TNS1: variants seen among roughly 807,000 people sequenced by gnomAD.
TNS1 encodes the protein tensin 1.
A neutral mutation model predicts 168.6 loss-of-function variants in TNS1; 62 were observed. The ratio of observed to expected loss-of-function variants is 0.37; its 90% CI spans 0.30 to 0.45. The LOEUF (loss-of-function observed/expected upper bound fraction) is 0.45, where lower values mean the gene tolerates loss of function less well. TNS1 is among the 20% of genes least tolerant of loss of function. TNS1 has a pLI of 1.00. For missense variants in TNS1, 2,240 were observed against 2,339.4 expected (o/e 0.96, Z 0.88); for synonymous variants, 934 against 933.2 (o/e 1.00, Z -0.02).
chr2:217,904,309 G>A (rs1243505606), intron 6 of TNS1, among the ~76,000 whole-genome samples: 3 of 152,162 alleles, frequency 2.0e-5, no homozygotes, highest in South Asian at 2.1e-4. Context: ...CTGGGCCGTG[G>A]GCCAGAGACA....
chr2:217,919,130 C>T (rs1248483062), intron 4 of TNS1, among the ~76,000 whole-genome samples: 1 of 152,192 alleles, frequency 6.6e-6, no homozygotes, highest in Non-Finnish European at 1.5e-5. Flanking sequence ...CATGGAGGGG[C>T]CCCTTGGAGC....
intron 3 of TNS1, among the ~76,000 whole-genome samples, chr2:217,925,317 T>C (rs77433914): frequency 0.012 from 1,824 of 152,288 alleles, 45 homozygotes; most frequent in African/African-American, 0.041. Context: ...GGCGTCTGCC[T>C]AGCACTGCCC....
chr2:218,000,871 G>A (rs775157923), intron 1 of TNS1, among the ~76,000 whole-genome samples: 2 of 152,214 alleles, frequency 1.3e-5, no homozygotes, highest in African/African-American at 4.8e-5. Context: ...GACACTCAAG[G>A]CCAGGCGCAG....
At chr2:217,840,807 A>C (rs533092590) in intron 19 of TNS1, among the ~76,000 whole-genome samples, 1 of 152,200 alleles carries the variant, frequency 6.6e-6, no homozygotes, top group South Asian at 2.1e-4. Context: ...CTCATTGCAA[A>C]GGCCTGCATC....
chr2:217,813,614 T>C lies in TNS1; in HGVS notation c.4861+71A>G. 6.5e-7 allele frequency: 1 copy of C among 1,536,680 alleles called. No individual in the cohort carries two copies. The highest frequency in any genetic ancestry group is 8.8e-7 in the Non-Finnish European group (1 of 1,141,884). On this transcript the variant is annotated intron_variant, in intron 26 of 32. Transcript: ENST00000682258. The surrounding 1 kb of genome is among the most constrained non-coding windows in gnomAD (Gnocchi z 4.0). ...GGTCCTGCCCAGCACCCTGGGTCCC[T>C]CCAGCACCTCCAGGTTTAGCGACTG...
intron 3 of TNS1, among the ~76,000 whole-genome samples, chr2:217,968,893 C>T (rs753643956): frequency 2.0e-5 from 3 of 152,148 alleles, no homozygotes; most frequent in African/African-American, 4.8e-5. Flanking sequence ...TGGGGTTTCA[C>T]CATGTTGGTC....
chr2:217,849,329 A>G (rs1947153320), intron 18 of TNS1, among the ~76,000 whole-genome samples: 1 of 152,212 alleles, frequency 6.6e-6, no homozygotes, highest in Non-Finnish European at 1.5e-5. Context: ...AACACTGAGC[A>G]GGAAGTGCTG....
At chr2:218,031,081 T>A (rs2106017287) in intron 1 of TNS1, among the ~76,000 whole-genome samples, 1 of 149,064 alleles carries the variant, frequency 6.7e-6, no homozygotes, top group African/African-American at 2.5e-5. Flanking sequence ...TGTGTGTTTG[T>A]GAGTGTGTGA....
At position 217,836,227 on chromosome 2, in the gene TNS1, G is replaced by C. The variant is rs751434285; in HGVS notation, c.3008-16C>G. The C allele has an allele frequency of 3.1e-6, 5 of 1,596,538 alleles. No individual in the cohort carries two copies. Among genetic ancestry groups the C allele is most frequent in the South Asian group, 1.1e-5 (1 of 90,032 alleles). On this transcript the variant is annotated splice_polypyrimidine_tract_variant and intron_variant, in intron 19 of 32. Coordinates refer to ENST00000682258, the MANE Select transcript of TNS1 (RefSeq NM_001387777.1). ...GCCTGTACCCCTGGGAGGAAAGCAG[G>C]GTGTAGAGGACAATGAGCATTTTTG... is the stretch of plus-strand genomic sequence containing the variant.
intron 9 of TNS1, 136 bp from the exon 10 acceptor site, chr2:217,893,697 C>T (rs548752691): frequency 6.2e-6 from 8 of 1,289,248 alleles, no homozygotes; most frequent in Admixed American, 4.7e-5. Flanking sequence ...CTTGGTTCCT[C>T]CCTGCCCACT....
rs1450792078 is a variant in TNS1, at chr2:217,817,868, TG to T, written c.4463del (p.Pro1488GlnfsTer70). 1 of 1,614,018 alleles carries T rather than the reference TG, an allele frequency of 6.2e-7. No homozygotes were observed. Among genetic ancestry groups the T allele is most frequent in the Non-Finnish European group, 8.5e-7 (1 of 1,179,998 alleles). On this transcript the variant is annotated frameshift_variant, in exon 24 of 33. Coordinates refer to ENST00000682258, the MANE Select transcript of TNS1 (RefSeq NM_001387777.1). LOFTEE classifies it high-confidence loss of function. The stretch of plus-strand genomic sequence containing the variant: ...ACATCCTTCGCTTCTCTGGCAAGGC[TG>T]GTGTTGGGCTCCCTTGCCGGAAGGC... ...SAAFRQGSPTPALPEKRRMSV... is the reference protein window; with the variant it reads ...SAAFRQGSPTXALPEKRRMSV...
chr2:218,025,345 T>C (rs927632271), intron 1 of TNS1, among the ~76,000 whole-genome samples: 14 of 152,060 alleles, frequency 9.2e-5, no homozygotes, highest in African/African-American at 3.4e-4. Flanking sequence ...GCCTCCCAGT[T>C]TCAAGACAGT....
chr2:217,833,855 C>T (rs1312892612), intron 21 of TNS1, among the ~76,000 whole-genome samples: 7 of 152,202 alleles, frequency 4.6e-5, no homozygotes, highest in Non-Finnish European at 2.9e-5. Flanking sequence ...ATATTTTAGA[C>T]TGGGGTTAAA....
At chr2:217,951,883 G>T (rs1339040405) in intron 3 of TNS1, among the ~76,000 whole-genome samples, 1 of 152,234 alleles carries the variant, frequency 6.6e-6, no homozygotes, top group Admixed American at 6.5e-5. Flanking sequence ...GTGCTCAGTG[G>T]TTCTTTCTCT....
At chr2:217,960,591 G>A (rs570400537) in intron 3 of TNS1, among the ~76,000 whole-genome samples, 12 of 152,108 alleles carry the variant, frequency 7.9e-5, no homozygotes, top group Non-Finnish European at 1.8e-4. Flanking sequence ...CGGCCTCCAC[G>A]TACCAGCAGC....
chr2:217,885,882 T>G (rs1029710185), intron 14 of TNS1, 63 bp from the exon 15 acceptor site: 1 of 1,567,532 alleles, frequency 6.4e-7, no homozygotes, highest in Non-Finnish European at 8.8e-7. Context: ...GGAGGGGCAT[T>G]TTCTCCCTGC....
At chr2:217,829,821 A>C (rs754272712) in intron 22 of TNS1, 2 of 1,614,080 alleles carry the variant, frequency 1.2e-6, no homozygotes, top group Non-Finnish European at 1.7e-6. Flanking sequence ...AGAGAGCAGG[A>C]AGTCACAGCA....
intron 18 of TNS1, chr2:217,859,636 A>C: frequency 6.5e-6 from 10 of 1,536,358 alleles, no homozygotes; most frequent in Non-Finnish European, 7.8e-6. Flanking sequence ...GGCCAGGTAT[A>C]TTGATCCTCC....
intron 3 of TNS1, among the ~76,000 whole-genome samples, chr2:217,924,331 C>G (rs917380283): frequency 1.3e-5 from 2 of 152,102 alleles, no homozygotes; most frequent in African/African-American, 4.8e-5. Flanking sequence ...CACACACACA[C>G]AGCCCCACAC....
Sources: gnomAD v4.1 joint callset for allele counts (sites outside exome capture counted in the v4.1 genomes callset) on GRCh38, gnomAD v4.1.1 for gene constraint, Gnocchi (gnomAD v3.1) non-coding constraint, MANE v1.5 for transcripts, NCBI Gene and HGNC (gene_info 2026-07-23, HGNC 2026-07-21) for gene names.